SRM: variants seen among roughly 807,000 people sequenced by gnomAD.
SRM encodes spermidine synthase, also known as putrescine aminopropyltransferase.
Under a neutral mutation model 39.3 loss-of-function variants are expected in SRM, and 14 were observed. The observed-to-expected ratio is 0.36, with a 90% confidence interval of 0.24 to 0.56. The LOEUF is 0.56. Among genes scored for constraint, SRM ranks in the 20% least tolerant of loss-of-function variants. The probability of loss-of-function intolerance (pLI) is 0.86; values close to 1 mark genes in which losing one functional copy is unlikely to be tolerated. For synonymous variants in SRM, 195 were observed against 173.1 expected, an observed-to-expected ratio of 1.13 and a Z score of -0.99; for missense variants, 244 against 409.2, an observed-to-expected ratio of 0.60 and a Z score of 3.48.
intron 3 of SRM, 129 bp downstream of exon 3, chr1:11,058,671 C>G: frequency 1.3e-6 from 1 of 793,876 alleles, no homozygotes; most frequent in Non-Finnish European, 2.0e-6. Context: ...CTGAACCCTC[C>G]CCGACCAGGT....
chr1:11,054,868 G>C lies in SRM; in HGVS notation c.906C>G (p.Ser302Arg). The change falls in exon 8 of 8, where the codon AGC (serine) becomes AGG (arginine). Residue 302 changes from serine (S) to arginine (R), a missense_variant. By Grantham distance (110) the Ser-to-Arg change is moderately radical (BLOSUM62 -1). Coordinates refer to ENST00000376957, the MANE Select transcript of SRM (RefSeq NM_003132.3). The surrounding 1 kb of genome is among the most constrained non-coding windows in gnomAD (Gnocchi z 4.8). The part of the protein sequence containing the change: ...EFARKALNDV[S>R] The stretch of plus-strand genomic sequence containing the variant: ...GCATCAGTGGTGGCGCCTGGGCTCA[G>C]CTCACATCATTCAGGGCCTGGAGGG... 6.2e-7 allele frequency: 1 copy of C among 1,608,586 alleles called. No individual in the cohort carries two copies. The highest frequency in any genetic ancestry group is 8.5e-7 in the Non-Finnish European group (1 of 1,177,728).
In SRM at chr1:11,059,622, C is replaced by T. The variant is rs1389138984; in HGVS notation, c.167+155G>A. The T allele has an allele frequency of 9.7e-6, 10 of 1,030,036 alleles. No individual in the cohort carries two copies. In the East Asian group the frequency reaches 2.7e-4, roughly 27 times the overall value. The allele number at this position is 1,030,036 out of a possible 1,614,324, so 63.8% of individuals were successfully genotyped here. The stretch of plus-strand genomic sequence containing the variant: ...CCAAGAGGCCAGCCCGCAGTCCCAG[C>T]CCCAGCCCAGGGAGGCGGTGTGAGG... On this transcript the variant is annotated intron_variant, in intron 1 of 7. Coordinates refer to ENST00000376957, the MANE Select transcript of SRM (RefSeq NM_003132.3).
chr1:11,059,087 G>T, intron 2 of SRM, 138 bp downstream of exon 2: 2 of 1,487,938 alleles, frequency 1.3e-6, no homozygotes, highest in Non-Finnish European at 1.8e-6. Context: ...CGTCAGTGTC[G>T]GCCCCCACCC....
rs1351422126 is a variant in SRM at position 11,054,936 on chromosome 1, A to G, written c.888+26T>C. On this transcript the variant is annotated intron_variant, in intron 7 of 7. Coordinates refer to ENST00000376957, the MANE Select transcript of SRM (RefSeq NM_003132.3). The surrounding 1 kb of genome is among the most constrained non-coding windows in gnomAD (Gnocchi z 4.8). ...AGGGCGCTCTGGGTCCCTGGGTCCC[A>G]CCACCCAGCCCCGCAGGCCACCCAC... 2 of 1,611,134 alleles carry G rather than the reference A, an allele frequency of 1.2e-6. No individual in the cohort carries two copies. Among genetic ancestry groups the G allele is most frequent in the Admixed American group, 1.7e-5 (1 of 59,862 alleles).
At chr1:11,055,751 A>AACCCCCCCCCCCCCC in intron 6 of SRM, 30 bp downstream of exon 6, 1 of 803,380 alleles carries the variant, frequency 1.2e-6, no homozygotes, top group Non-Finnish European at 1.9e-6. Context: ...CCTTCCCCCC[A>AACCCCCCCCCCCCCC]ACCCCCACCC....
rs1277886279 is a variant in SRM, at chr1:11,059,355, G to A, written c.168-10C>T. 3 of 1,612,654 alleles carry A rather than the reference G, an allele frequency of 1.9e-6. No individual in the cohort carries two copies. The highest frequency in any genetic ancestry group is 2.2e-5 in the East Asian group (1 of 44,832). Reference sequence around the variant, plus strand: ...GTTGCCATAGGTCTTACTGCGGGCGGAGTGACAGTCGGGGACCTGGGTTCT... The same window carrying A: ...GTTGCCATAGGTCTTACTGCGGGCGAAGTGACAGTCGGGGACCTGGGTTCT... On this transcript the variant is annotated splice_polypyrimidine_tract_variant and intron_variant, in intron 1 of 7. Coordinates refer to ENST00000376957, the MANE Select transcript of SRM (RefSeq NM_003132.3).
chr1:11,058,916 C>G (rs915982720), intron 2 of SRM, 24 bp from the exon 3 acceptor site: 1 of 1,587,384 alleles, frequency 6.3e-7, no homozygotes, highest in African/African-American at 1.3e-5. Context: ...GCAGTCAAGG[C>G]AGGGGCCCTG....
chr1:11,059,160 G>T (rs1023092629), intron 2 of SRM, 65 bp downstream of exon 2: 17 of 1,606,716 alleles, frequency 1.1e-5, no homozygotes, highest in Non-Finnish European at 1.4e-5. Context: ...CAGCATCTGG[G>T]AAGAGCCCGG....
At position 11,059,470 on chromosome 1, in the gene SRM, G is replaced by A. The variant is rs532171035; in HGVS notation, c.168-125C>T. On this transcript the variant is annotated intron_variant, in intron 1 of 7. Coordinates refer to ENST00000376957, the MANE Select transcript of SRM (RefSeq NM_003132.3). ...GGTCCCAGGGATGAGGAGCGATGGT[G>A]ACACGTGGCGAGGAACGGCAGGCGG... The A allele has an allele frequency of 2.8e-4, 417 of 1,487,816 alleles. 8 individuals are homozygous for A. In the East Asian group the frequency reaches 9.5e-3, roughly 34 times the overall value. 92.2% of individuals were successfully genotyped at this position (1,487,816 alleles called of 1,614,324 possible).
At chr1:11,055,171 G>A (rs1638850220) in intron 6 of SRM, 87 bp from the exon 7 acceptor site, 3 of 1,475,612 alleles carry the variant, frequency 2.0e-6, no homozygotes, top group Admixed American at 2.3e-5. Flanking sequence ...ACGCTGGAGT[G>A]CAGTGGCGTC....
chr1:11,055,483 C>G (rs757963696), intron 6 of SRM, among the ~76,000 whole-genome samples: 1 of 150,814 alleles, frequency 6.6e-6, no homozygotes, highest in Admixed American at 6.6e-5. Flanking sequence ...GGCGCAATCT[C>G]GGCTCACTGC....
intron 2 of SRM, 75 bp downstream of exon 2, chr1:11,059,150 C>T: frequency 6.2e-7 from 1 of 1,601,470 alleles, no homozygotes; most frequent in Non-Finnish European, 8.5e-7. Context: ...ACCATGCAGG[C>T]AGCATCTGGG....
chr1:11,056,082 C>A lies in SRM; in HGVS notation c.548G>T (p.Ser183Ile). The change falls in exon 5 of 8, where the codon AGT becomes ATT. Residue 183 changes from serine to isoleucine, a missense_variant. Coordinates refer to ENST00000376957, the MANE Select transcript of SRM (RefSeq NM_003132.3). The part of the protein sequence containing the change: ...DSSDPMGPAE[S>I]LFKESYYQLM... ...CTGGTAATAGGACTCCTTGAAGAGACTTTCGGCGGGGCCTGGGGAAGACAG... is the reference window on the plus strand; with the variant it reads ...CTGGTAATAGGACTCCTTGAAGAGAATTTCGGCGGGGCCTGGGGAAGACAG... 6.2e-7 allele frequency: 1 copy of A among 1,612,038 alleles called. No individual in the cohort carries two copies.
Position 11,059,772 on chromosome 1 carries a change from G to A in SRM, c.167+5C>T, listed in dbSNP as rs371777299. On this transcript the variant is annotated splice_donor_5th_base_variant and intron_variant, in intron 1 of 7. Coordinates refer to ENST00000376957, the MANE Select transcript of SRM (RefSeq NM_003132.3). ...GGGGCAGGCGCCTGCGGGCAGCGGCGGTACCTGCGGAAGACGAGGATGTCC... is the reference window on the plus strand; with the variant it reads ...GGGGCAGGCGCCTGCGGGCAGCGGCAGTACCTGCGGAAGACGAGGATGTCC... 3.8e-6 allele frequency: 6 copies of A among 1,578,302 alleles called. No individual in the cohort carries two copies. The highest frequency in any genetic ancestry group is 5.1e-6 in the Non-Finnish European group (6 of 1,171,742).
At chr1:11,058,754 CG>C (rs1557683646) in intron 3 of SRM, 45 bp downstream of exon 3, 1 of 1,526,286 alleles carries the variant, frequency 6.6e-7, no homozygotes. Context: ...CACAGCTGGC[CG>C]CTGGGAGAAC....
intron 2 of SRM, 134 bp downstream of exon 2, chr1:11,059,091 C>T: frequency 2.0e-6 from 3 of 1,506,756 alleles, no homozygotes; most frequent in Non-Finnish European, 2.7e-6. Context: ...AGTGTCGGCC[C>T]CCACCCCTCC....
chr1:11,056,519 T>C, intron 4 of SRM, 85 bp downstream of exon 4: 1 of 1,549,380 alleles, frequency 6.5e-7, no homozygotes, highest in Admixed American at 1.8e-5. Flanking sequence ...GGGAGGCCGC[T>C]CTATCCTTTA....
At chr1:11,059,525 G>C (rs1638939514) in intron 1 of SRM, 180 bp from the exon 2 acceptor site, 4 of 1,106,720 alleles carry the variant, frequency 3.6e-6, no homozygotes, top group Non-Finnish European at 5.1e-6. Flanking sequence ...GGTGGGACCC[G>C]GGGTCTCCTC....
At chr1:11,055,116 G>A (rs757228892) in intron 6 of SRM, 32 bp from the exon 7 acceptor site, 2 of 1,550,528 alleles carry the variant, frequency 1.3e-6, no homozygotes, top group Admixed American at 2.1e-5. Context: ...CATCAGGGGG[G>A]GCACTTTTTT....
Sources: gnomAD v4.1 joint callset for allele counts (sites outside exome capture counted in the v4.1 genomes callset) on GRCh38, gnomAD v4.1.1 for gene constraint, Gnocchi (gnomAD v3.1) non-coding constraint, MANE v1.5 for transcripts, NCBI Gene and HGNC (gene_info 2026-07-23, HGNC 2026-07-21) for gene names.